Variants in COBL observed in about 807,000 individuals in gnomAD.
COBL encodes the protein cordon-bleu WH2 repeat protein, also known as protein cordon-bleu.
COBL carries 51 observed loss-of-function variants against 98.8 expected under a neutral mutation model. The observed-to-expected ratio is 0.52, with a 90% CI of 0.41 to 0.65. The LOEUF is 0.65. Among genes scored for constraint, COBL ranks in the 30% least tolerant of loss-of-function variants. The pLI is 0.00. For synonymous variants in COBL, 634 were observed against 651.7 expected, an observed-to-expected ratio of 0.97 and a Z score of 0.41; for missense variants, 1,617 against 1,617.5, an observed-to-expected ratio of 1.00 and a Z score of 0.01.
At chr7:51,083,655 A>G (rs974264522) in intron 7 of COBL, among the ~76,000 whole-genome samples, 1 of 152,218 alleles carries the variant, frequency 6.6e-6, no homozygotes, top group Non-Finnish European at 1.5e-5. Context: ...TTCTAGAGCC[A>G]CTGACCTATT....
chr7:51,180,993 C>T (rs1217881638), intron 5 of COBL, among the ~76,000 whole-genome samples: 1 of 152,194 alleles, frequency 6.6e-6, no homozygotes, highest in Non-Finnish European at 1.5e-5. Context: ...GATGATTCAA[C>T]AAGCAACAGC....
chr7:51,042,789 C>T (rs2128888334), intron 8 of COBL, among the ~76,000 whole-genome samples: 1 of 152,298 alleles, frequency 6.6e-6, no homozygotes, highest in South Asian at 2.1e-4. Flanking sequence ...TAAATGAAAG[C>T]TACATGAGAT....
At chr7:51,020,341 G>A (rs1194594550) in intron 12 of COBL, among the ~76,000 whole-genome samples, 1 of 152,150 alleles carries the variant, frequency 6.6e-6, no homozygotes, top group Non-Finnish European at 1.5e-5. Context: ...CTTTGGAAAA[G>A]TTCCTAAGGT....
chr7:51,176,180 GTCTCTGGTTAA>G (rs1788366343), intron 5 of COBL, among the ~76,000 whole-genome samples: 1 of 152,200 alleles, frequency 6.6e-6, no homozygotes, highest in South Asian at 2.1e-4. Context: ...TACTTGGCAA[GTCTCTGGTTAA>G]ATCATAACCT....
chr7:51,278,137 G>A (rs888524629), intron 1 of COBL, among the ~76,000 whole-genome samples: 5 of 152,118 alleles, frequency 3.3e-5, no homozygotes, highest in Non-Finnish European at 7.4e-5. Flanking sequence ...ATACTAGAAC[G>A]CAATACCCGT....
intron 1 of COBL, among the ~76,000 whole-genome samples, chr7:51,286,035 T>C (rs779235740): frequency 1.3e-5 from 2 of 152,146 alleles, no homozygotes; most frequent in Non-Finnish European, 2.9e-5. Context: ...GGATACCCTA[T>C]GCCAAAGAAA....
intron 6 of COBL, among the ~76,000 whole-genome samples, chr7:51,102,245 A>G (rs1009015373): frequency 1.3e-5 from 2 of 152,180 alleles, no homozygotes; most frequent in South Asian, 2.1e-4. Context: ...CCCGTCTGGC[A>G]TATGGTAGGA....
At chr7:51,054,015 T>C (rs1790486300) in intron 7 of COBL, among the ~76,000 whole-genome samples, 1 of 152,144 alleles carries the variant, frequency 6.6e-6, no homozygotes, top group African/African-American at 2.4e-5. Flanking sequence ...ACCCTGTCTT[T>C]ACAAAAAATA....
chr7:51,038,008 C>G (rs1254692317), intron 8 of COBL, among the ~76,000 whole-genome samples: 4 of 152,056 alleles, frequency 2.6e-5, no homozygotes, highest in African/African-American at 4.8e-5. Flanking sequence ...CCCAACAGCA[C>G]GCCTGGCTAT....
chr7:51,041,289 G>A (rs1223100086), intron 8 of COBL, among the ~76,000 whole-genome samples: 4 of 152,086 alleles, frequency 2.6e-5, no homozygotes, highest in Non-Finnish European at 5.9e-5. Flanking sequence ...AAGTGCTCAT[G>A]ACAAACTGTT....
chr7:51,142,785 G>A (rs1784661806), intron 5 of COBL, among the ~76,000 whole-genome samples: 1 of 152,182 alleles, frequency 6.6e-6, no homozygotes, highest in Non-Finnish European at 1.5e-5. Context: ...CCAGGCATTT[G>A]AATGTTTAGA....
At chr7:51,291,003 C>T (rs1800839478) in intron 1 of COBL, among the ~76,000 whole-genome samples, 1 of 152,202 alleles carries the variant, frequency 6.6e-6, no homozygotes, top group African/African-American at 2.4e-5. Context: ...GCACCTTGCA[C>T]AGTGCCCATT....
At chr7:51,033,068 A>T (rs547692063) in intron 8 of COBL, 2 of 151,916 alleles carry the variant, frequency 1.3e-5, no homozygotes, top group Admixed American at 6.6e-5. Context: ...AATAAGAATT[A>T]AAAAAAATAA....
intron 5 of COBL, among the ~76,000 whole-genome samples, chr7:51,150,972 C>G (rs1011624357): frequency 6.6e-6 from 1 of 151,992 alleles, no homozygotes; most frequent in Admixed American, 6.6e-5. Context: ...TCACCTGCCC[C>G]CCTCCCCGCC....
chr7:51,096,057 C>A (rs1430019501), intron 6 of COBL, among the ~76,000 whole-genome samples: 1 of 152,150 alleles, frequency 6.6e-6, no homozygotes, highest in African/African-American at 2.4e-5. Context: ...CTATCTCTGT[C>A]TCTTTCTCTG....
chr7:51,258,513 C>T (rs960454171), intron 1 of COBL, among the ~76,000 whole-genome samples: 1 of 152,202 alleles, frequency 6.6e-6, no homozygotes, highest in African/African-American at 2.4e-5. Flanking sequence ...TGGAATTGGA[C>T]TGTGATGAGA....
chr7:51,191,507 C>T (rs1790113316), intron 3 of COBL, among the ~76,000 whole-genome samples: 1 of 150,790 alleles, frequency 6.6e-6, no homozygotes, highest in African/African-American at 2.4e-5. Flanking sequence ...GTCAAAATAT[C>T]CACATAAATA....
At chr7:51,031,045 C>T (rs1788091977) in intron 8 of COBL, 136 bp from the exon 9 acceptor site, 1 of 664,268 alleles carries the variant, frequency 1.5e-6, no homozygotes, top group African/African-American at 1.8e-5. Context: ...CTGCTGTTGT[C>T]CTCAGAACTA....
intron 1 of COBL, among the ~76,000 whole-genome samples, chr7:51,295,534 C>T (rs1801348509): frequency 6.6e-6 from 1 of 152,184 alleles, no homozygotes; most frequent in African/African-American, 2.4e-5. Flanking sequence ...ACAGGCCTGT[C>T]CTTTCAGACT....
Sources: allele counts gnomAD v4.1 joint callset (sites outside exome capture counted in the v4.1 genomes callset), GRCh38; gene constraint gnomAD v4.1.1; transcripts MANE v1.5; gene names NCBI Gene and HGNC (gene_info 2026-07-23, HGNC 2026-07-21).